NUDT5: variants seen among roughly 807,000 people sequenced by gnomAD.
NUDT5 encodes ADP-sugar pyrophosphatase.
In NUDT5, 21 loss-of-function variants were observed where a neutral mutation model predicts 34.1. The ratio of observed to expected loss-of-function variants is 0.62; its 90% confidence interval spans 0.44 to 0.89. The LOEUF (loss-of-function observed/expected upper bound fraction) is 0.89, where lower values mean the gene tolerates loss of function less well. Among genes scored for constraint, NUDT5 ranks in the 40% least tolerant of loss-of-function variants. The pLI is 0.00. For synonymous variants in NUDT5, 85 were observed against 97.6 expected, an observed-to-expected ratio of 0.87 and a Z score of 0.76; for missense variants, 249 against 274.8, an observed-to-expected ratio of 0.91 and a Z score of 0.66.
chr10:12,186,625 T>C (rs941159958), intron 1 of NUDT5, among the ~76,000 whole-genome samples: 8 of 126,572 alleles, frequency 6.3e-5, no homozygotes, highest in Admixed American at 4.1e-4. Context: ...TTTCTTTTTT[T>C]TTTTTTCTTT....
In NUDT5 at chr10:12,167,618, A is replaced by C. The variant is rs1353023990; in HGVS notation, c.*84T>G. The C allele has an allele frequency of 7.6e-7, 1 of 1,309,252 alleles. No homozygotes were observed. Among genetic ancestry groups the C allele is most frequent in the Non-Finnish European group, 1.1e-6 (1 of 920,024 alleles). The allele number at this position is 1,309,252 out of a possible 1,614,324, so 81.1% of individuals were successfully genotyped here. A position where few individuals can be genotyped will look rare whatever the true frequency, so the allele number is the denominator to read the frequency against. Reference sequence around the variant, plus strand: ...TTACGAAAAAGCTAATGGCAAATCTACATTAAACTAAGTTGAATACAAAGT... The same window carrying C: ...TTACGAAAAAGCTAATGGCAAATCTCCATTAAACTAAGTTGAATACAAAGT... On this transcript the variant is annotated 3_prime_UTR_variant, in exon 10 of 10. Transcript: ENST00000491614.
At chr10:12,179,277 C>T in intron 3 of NUDT5, 145 bp from the exon 4 acceptor site, 1 of 628,452 alleles carries the variant, frequency 1.6e-6, no homozygotes, top group African/African-American at 1.9e-5. Flanking sequence ...CAATAAACGT[C>T]TGCATTAAAG....
In NUDT5 at chr10:12,169,001, G is replaced by T. The variant is rs1166535294; in HGVS notation, c.551-1190C>A. ...TGGTCTGGAGCTCCTGACCTCAAGTGATCAGCCTACCTCGGCCTCCCAAAG... is the reference window on the plus strand; with the variant it reads ...TGGTCTGGAGCTCCTGACCTCAAGTTATCAGCCTACCTCGGCCTCCCAAAG... On this transcript the variant is annotated intron_variant, in intron 9 of 9. Transcript: ENST00000491614. This position sits in a 1 kb window ranked among gnomAD's most constrained non-coding sequence, Gnocchi z 4.8. Among the ~76,000 whole-genome samples, 3 of 152,162 alleles carry T rather than the reference G, an allele frequency of 2.0e-5. No homozygotes were observed. The highest frequency in any genetic ancestry group is 2.0e-4 in the Admixed American group (3 of 15,274).
At position 12,181,350 on chromosome 10, in the gene NUDT5, A is replaced by G. The variant is rs903465205; in HGVS notation, c.132-2218T>C. Among the ~76,000 whole-genome samples, 3 of 152,272 alleles carry G rather than the reference A, an allele frequency of 2.0e-5. No individual in the cohort carries two copies. Among genetic ancestry groups the G allele is most frequent in the Middle Eastern group, 3.4e-3 (1 of 294 alleles). ...TTTTGGTATCTGCAGGGGGTCCTGG[A>G]ACCAACCCCGACAGACACCAAGTGA... On this transcript the variant is annotated intron_variant, in intron 3 of 9. Transcript: ENST00000491614. This position sits in a 1 kb window ranked among gnomAD's most constrained non-coding sequence, Gnocchi z 5.0.
intron 5 of NUDT5, 52 bp downstream of exon 5, chr10:12,177,741 C>T: frequency 1.5e-6 from 2 of 1,311,718 alleles, no homozygotes; most frequent in East Asian, 2.3e-5. Context: ...TCAGGCTTTA[C>T]CCTGGTTCAG....
rs1357168594 is a variant in NUDT5, at chr10:12,166,781, A to C, written c.*921T>G. 1 of 487,674 alleles carries C rather than the reference A, an allele frequency of 2.1e-6. No homozygotes were observed. Among genetic ancestry groups the C allele is most frequent in the African/African-American group, 2.0e-5 (1 of 50,712 alleles). The allele number at this position is 487,674 out of a possible 1,614,324, so 30.2% of individuals were successfully genotyped here. A position where few individuals can be genotyped will look rare whatever the true frequency, so the allele number is the denominator to read the frequency against. ...ACAAAAAGAGCTAAACTCACTCAAGAAGCTAAGAAAATGGCCCAGGAACAC... is the reference window on the plus strand; with the variant it reads ...ACAAAAAGAGCTAAACTCACTCAAGCAGCTAAGAAAATGGCCCAGGAACAC... On this transcript the variant is annotated 3_prime_UTR_variant, in exon 10 of 10. Coordinates refer to ENST00000491614, the MANE Select transcript of NUDT5 (RefSeq NM_014142.4).
At position 12,175,047 on chromosome 10, in the gene NUDT5, TG is replaced by T. The variant is rs1378515751; in HGVS notation, c.290-1235del. ...TTAAAAAATATAATAAGGCTGGGCG[TG>T]GCGGCCCACACCTGTAACCCCAGCA... is the stretch of plus-strand genomic sequence containing the variant. On this transcript the variant is annotated intron_variant, in intron 5 of 9. Coordinates refer to ENST00000491614, the MANE Select transcript of NUDT5 (RefSeq NM_014142.4). This position sits in a 1 kb window ranked among gnomAD's most constrained non-coding sequence, Gnocchi z 4.8. Among the ~76,000 whole-genome samples, 2 of 152,108 alleles carry T rather than the reference TG, an allele frequency of 1.3e-5. No homozygotes were observed. The highest frequency in any genetic ancestry group is 2.9e-5 in the Non-Finnish European group (2 of 68,006).
chr10:12,179,205 C>T, intron 3 of NUDT5, 73 bp from the exon 4 acceptor site: 1 of 1,268,780 alleles, frequency 7.9e-7, no homozygotes. Context: ...CTCTGTACAA[C>T]CAGAACTTCT....
At position 12,170,638 on chromosome 10, in the gene NUDT5, G is replaced by T; in HGVS notation, c.550+79C>A. 1 of 1,289,386 alleles carries T rather than the reference G, an allele frequency of 7.8e-7. No homozygotes were observed. Among genetic ancestry groups the T allele is most frequent in the South Asian group, 1.2e-5 (1 of 84,112 alleles). The allele number at this position is 1,289,386 out of a possible 1,614,324, so 79.9% of individuals were successfully genotyped here. A position where few individuals can be genotyped will look rare whatever the true frequency, so the allele number is the denominator to read the frequency against. On this transcript the variant is annotated intron_variant, in intron 9 of 9. Coordinates refer to ENST00000491614, the MANE Select transcript of NUDT5 (RefSeq NM_014142.4). This position sits in a 1 kb window ranked among gnomAD's most constrained non-coding sequence, Gnocchi z 4.9. ...GATACAAAAAAGATAAAGAAATGGA[G>T]TTATATTTAGTACCCAGTTTGCTGG...
At chr10:12,184,858 G>C in intron 3 of NUDT5, 31 bp downstream of exon 3, 1 of 1,268,826 alleles carries the variant, frequency 7.9e-7, no homozygotes, top group Non-Finnish European at 1.1e-6. Context: ...CCCAAATAAC[G>C]AACATTTTGT....
intron 5 of NUDT5, among the ~76,000 whole-genome samples, chr10:12,176,528 C>T (rs1332783054): frequency 2.6e-5 from 4 of 151,924 alleles, no homozygotes; most frequent in Admixed American, 6.6e-5. Flanking sequence ...CACTTGAACC[C>T]GGGAGGTGGA....
chr10:12,192,301 T>C (rs999412883), intron 1 of NUDT5, among the ~76,000 whole-genome samples: 6 of 127,504 alleles, frequency 4.7e-5, no homozygotes, highest in Admixed American at 3.2e-4. Flanking sequence ...AGACTCTGTC[T>C]CCAAAAAAAA....
Position 12,173,908 on chromosome 10 carries a change from C to T in NUDT5, c.290-95G>A. 3.3e-6 allele frequency: 3 copies of T among 920,448 alleles called. No individual in the cohort carries two copies. The highest frequency in any genetic ancestry group is 5.3e-6 in the Non-Finnish European group (3 of 564,822). The allele number at this position is 920,448 out of a possible 1,614,324, so 57.0% of individuals were successfully genotyped here. A position where few individuals can be genotyped will look rare whatever the true frequency, so the allele number is the denominator to read the frequency against. Reference sequence around the variant, plus strand: ...TTGAGATGGAGTCTCACTCTGTCGCCCAGGCTGGAGTGCAGTGGTGCGATC... The same window carrying T: ...TTGAGATGGAGTCTCACTCTGTCGCTCAGGCTGGAGTGCAGTGGTGCGATC... On this transcript the variant is annotated intron_variant, in intron 5 of 9. Transcript: ENST00000491614. The surrounding 1 kb of genome is among the most constrained non-coding windows in gnomAD (Gnocchi z 4.7).
chr10:12,190,450 C>G (rs1032594220), intron 1 of NUDT5, among the ~76,000 whole-genome samples: 1 of 152,128 alleles, frequency 6.6e-6, no homozygotes, highest in Non-Finnish European at 1.5e-5. Context: ...TGTATATACT[C>G]AGTGCACACT....
chr10:12,177,750 A>G (rs760633170), intron 5 of NUDT5, 43 bp downstream of exon 5: 5 of 1,387,750 alleles, frequency 3.6e-6, no homozygotes, highest in Admixed American at 3.4e-5. Flanking sequence ...ACCCTGGTTC[A>G]GGCCAACATC....
In NUDT5 at chr10:12,177,895, C is replaced by A. The variant is rs762650438; in HGVS notation, c.187G>T (p.Ala63Ser). The change falls in exon 5 of 10, where the codon GCG (alanine) becomes TCG (serine). Residue 63 changes from alanine to serine, a missense_variant. Physicochemically the swap from Ala to Ser is moderately conservative, Grantham distance 99. Transcript: ENST00000491614. ...TRKEQTADGV[A>S]VIPVLQRTLH... ...GTTCTCTGCAGCACGGGGATGACCG[C>A]GACACCTGTCACCAGGAAATGGAAC... 1.2e-6 allele frequency: 2 copies of A among 1,613,378 alleles called. No individual in the cohort carries two copies. The highest frequency in any genetic ancestry group is 1.7e-6 in the Non-Finnish European group (2 of 1,179,446).
At chr10:12,193,869 C>CT (rs561906932) in intron 1 of NUDT5, among the ~76,000 whole-genome samples, 7,195 of 143,860 alleles carry the variant, frequency 0.05, 604 homozygotes, top group African/African-American at 0.17. Context: ...TCTCTACACT[C>CT]TTTTTTTTTT....
At chr10:12,172,914 T>G (rs1834883864) in intron 6 of NUDT5, 48 bp from the exon 7 acceptor site, 3 of 1,366,374 alleles carry the variant, frequency 2.2e-6, no homozygotes, top group Non-Finnish European at 3.1e-6. Context: ...TTGGCATTTG[T>G]TTCACTATGG....
chr10:12,195,144 G>C (rs560743062), intron 1 of NUDT5, among the ~76,000 whole-genome samples: 2 of 152,306 alleles, frequency 1.3e-5, no homozygotes, highest in East Asian at 3.9e-4. Flanking sequence ...TGGGCACAGA[G>C]TGAGACTCCG....
Sources: allele counts gnomAD v4.1 joint callset (sites outside exome capture counted in the v4.1 genomes callset), GRCh38; gene constraint gnomAD v4.1.1; non-coding constraint Gnocchi (gnomAD v3.1); transcripts MANE v1.5; gene names NCBI Gene and HGNC (gene_info 2026-07-23, HGNC 2026-07-21).